The following RAB5A variants were observed in gnomAD, a reference collection of about 807,000 sequenced individuals.
RAB5A encodes the protein ras-related protein Rab-5A.
RAB5A carries 8 observed loss-of-function variants against 25.7 expected under a neutral mutation model. That is an observed-to-expected ratio of 0.31 (90% CI 0.18 to 0.56). RAB5A has a LOEUF of 0.56. Ranked by LOEUF, RAB5A falls within the 20% of genes least tolerant of loss-of-function variation. RAB5A has a pLI of 0.91. For synonymous variants in RAB5A, 98 were observed against 89.8 expected, an observed-to-expected ratio of 1.09 and a Z score of -0.52; for missense variants, 192 against 259.7, an observed-to-expected ratio of 0.74 and a Z score of 1.79.
At chr3:19,964,224 C>G (rs1368070415) in intron 2 of RAB5A, among the ~76,000 whole-genome samples, 1 of 152,042 alleles carries the variant, frequency 6.6e-6, no homozygotes, top group Non-Finnish European at 1.5e-5. Context: ...GATAAAATGT[C>G]TTTTGTAGAT....
At chr3:19,975,906 C>A (rs747286671) in intron 3 of RAB5A, 141 bp from the exon 4 acceptor site, 9 of 1,237,994 alleles carry the variant, frequency 7.3e-6, no homozygotes, top group Admixed American at 2.7e-5. Flanking sequence ...TAAAAAAAAA[C>A]GAAAATGTCT....
intron 2 of RAB5A, among the ~76,000 whole-genome samples, chr3:19,952,072 G>C (rs1207905062): frequency 6.6e-6 from 1 of 152,148 alleles, no homozygotes; most frequent in African/African-American, 2.4e-5. Flanking sequence ...ATTTTAGCTG[G>C]ACATGGTGGT....
In RAB5A at chr3:19,983,744, G is replaced by T. The variant is rs1696977853; in HGVS notation, c.569G>T (p.Gly190Val). The T allele has an allele frequency of 6.2e-7, 1 of 1,612,068 alleles. No homozygotes were observed. The highest frequency in any genetic ancestry group is 1.3e-5 in the African/African-American group (1 of 74,766). ...CCAAAGAATGAACCACAAAATCCAG[G>T]AGCAAATTCTGCCAGAGGAAGAGGA... is the stretch of plus-strand genomic sequence containing the variant. ...KLPKNEPQNP[G>V]ANSARGRGVD... Residue 190 changes from glycine to valine, a missense_variant, in exon 6 of 6, where the codon GGA (glycine) becomes GTA (valine). By Grantham distance (109) the Gly-to-Val change is moderately radical. Coordinates refer to ENST00000273047, the MANE Select transcript of RAB5A (RefSeq NM_004162.5).
Position 19,985,011 on chromosome 3 carries a change from A to G in RAB5A, c.*1188A>G. ...TGCACTAATTATTTTAGGTATTTTC[A>G]TTATATGAAAGCTACCATGTGTCAG... On this transcript the variant is annotated 3_prime_UTR_variant, in exon 6 of 6. Transcript: ENST00000273047. 5.2e-6 allele frequency: 1 copy of G among 191,834 alleles called. No individual in the cohort carries two copies. The highest frequency in any genetic ancestry group is 1.5e-4 in the East Asian group (1 of 6,736). 11.9% of individuals were successfully genotyped at this position (191,834 alleles called of 1,614,324 possible).
intron 2 of RAB5A, 101 bp from the exon 3 acceptor site, chr3:19,975,500 T>C: frequency 8.9e-7 from 1 of 1,127,794 alleles, no homozygotes; most frequent in Non-Finnish European, 1.3e-6. Flanking sequence ...ACTTACGGGG[T>C]ACAGTGTGAC....
rs569638531 is a variant in RAB5A, at chr3:19,978,745, AT to A, written c.532+350del. On this transcript the variant is annotated intron_variant, in intron 5 of 5. Transcript: ENST00000273047. ...GTTTCGCTGGGAAATTTGGATAAAT[AT>A]TTTTTTTATTAGATTATACTTTTTA... 5.2e-3 allele frequency: 869 copies of A among 166,452 alleles called. 6 individuals carry two copies. Among genetic ancestry groups the A allele is most frequent in the African/African-American group, 0.02 (838 of 41,954 alleles). The allele number at this position is 166,452 out of a possible 1,614,324, so 10.3% of individuals were successfully genotyped here. A position where few individuals can be genotyped will look rare whatever the true frequency, so the allele number is the denominator to read the frequency against.
At chr3:19,964,763 C>T (rs1022788741) in intron 2 of RAB5A, among the ~76,000 whole-genome samples, 10 of 152,168 alleles carry the variant, frequency 6.6e-5, no homozygotes, top group Admixed American at 6.5e-4. Flanking sequence ...AGGCGCATGT[C>T]ACCACGTCTG....
intron 2 of RAB5A, among the ~76,000 whole-genome samples, chr3:19,968,458 GTTACT>G (rs747965357): frequency 5.9e-5 from 9 of 152,026 alleles, no homozygotes; most frequent in Non-Finnish European, 8.8e-5. Flanking sequence ...TTCCCCACAA[GTTACT>G]TTACTTCTGA....
chr3:19,982,668 G>GT (rs1264726923), intron 5 of RAB5A, among the ~76,000 whole-genome samples: 1 of 151,558 alleles, frequency 6.6e-6, no homozygotes, highest in Non-Finnish European at 1.5e-5. Flanking sequence ...AGGCAACAAA[G>GT]TGAGACCCCA....
At chr3:19,980,445 A>ATTTTTTTTTTT (rs11441052) in intron 5 of RAB5A, among the ~76,000 whole-genome samples, 3 of 148,102 alleles carry the variant, frequency 2.0e-5, no homozygotes, top group Non-Finnish European at 1.5e-5. Flanking sequence ...AGGTTAGTAA[A>ATTTTTTTTTTT]TTTTTTTTTC....
At position 19,982,057 on chromosome 3, in the gene RAB5A, CAG is replaced by C. The variant is rs545023073; in HGVS notation, c.533-1648_533-1647del. On this transcript the variant is annotated intron_variant, in intron 5 of 5. Transcript: ENST00000273047. ...AGGAGTTCTAGACCAGCCTGGGCAA[CAG>C]AGCAAGACCCTATCTCTACCAAAAA... Among the ~76,000 whole-genome samples the C allele has an allele frequency of 1.8e-3, 266 of 151,460 alleles. 2 individuals are homozygous for C. Among genetic ancestry groups the C allele is most frequent in the Middle Eastern group, 6.8e-3 (2 of 292 alleles).
rs1696803318 is a variant in RAB5A, at chr3:19,975,061, A to G, written c.164-540A>G. On this transcript the variant is annotated intron_variant, in intron 2 of 5. Coordinates refer to ENST00000273047, the MANE Select transcript of RAB5A (RefSeq NM_004162.5). ...GCCAACATGGTGAAACCCCATCTCTACTAAAACTACAAAAATTAGCCACGT... is the reference window on the plus strand; with the variant it reads ...GCCAACATGGTGAAACCCCATCTCTGCTAAAACTACAAAAATTAGCCACGT... 2.0e-5 allele frequency among the ~76,000 whole-genome samples: 3 copies of G among 152,142 alleles called. No individual in the cohort carries two copies. The South Asian group carries it at 6.2e-4, about 32-fold the overall frequency.
intron 2 of RAB5A, among the ~76,000 whole-genome samples, chr3:19,969,055 T>TTG (rs1232717819): frequency 6.4e-5 from 9 of 140,524 alleles, no homozygotes; most frequent in Non-Finnish European, 1.2e-4. Flanking sequence ...GTTTTTTTTT[T>TTG]TTTTTTGAGA....
At chr3:19,973,054 C>T (rs1486669056) in intron 2 of RAB5A, among the ~76,000 whole-genome samples, 1 of 152,178 alleles carries the variant, frequency 6.6e-6, no homozygotes, top group Non-Finnish European at 1.5e-5. Flanking sequence ...GAGGTGCAGG[C>T]ATTGTATTAG....
chr3:19,972,374 A>G (rs1340260473), intron 2 of RAB5A, among the ~76,000 whole-genome samples: 2 of 152,250 alleles, frequency 1.3e-5, no homozygotes, highest in African/African-American at 4.8e-5. Context: ...CAAGGAGAAG[A>G]AAAAGATATA....
In RAB5A at chr3:19,978,368, C is replaced by T; in HGVS notation, c.497C>T (p.Thr166Ile). ...SLLFMETSAK[T>I]SMNVNEIFMA... ...TTATTCATGGAGACATCCGCTAAAACATCAATGAATGTAAATGAAATATTC... is the reference window on the plus strand; with the variant it reads ...TTATTCATGGAGACATCCGCTAAAATATCAATGAATGTAAATGAAATATTC... The change falls in exon 5 of 6, where the codon ACA becomes ATA. Residue 166 changes from threonine to isoleucine, a missense_variant. This residue lies in a region of RAB5A where 121 missense variants were observed against 135.7 expected (regional missense o/e 0.89). Coordinates refer to ENST00000273047, the MANE Select transcript of RAB5A (RefSeq NM_004162.5). The T allele has an allele frequency of 1.9e-6, 3 of 1,607,034 alleles. No individual in the cohort carries two copies. The highest frequency in any genetic ancestry group is 2.2e-5 in the East Asian group (1 of 44,724).
At chr3:19,977,073 CTT>C (rs752373114) in intron 4 of RAB5A, among the ~76,000 whole-genome samples, 17 of 141,634 alleles carry the variant, frequency 1.2e-4, no homozygotes, top group Non-Finnish European at 7.8e-5. Context: ...TCTATTTAGA[CTT>C]TTTTTTTTTT....
chr3:19,966,705 C>T (rs550292902), intron 2 of RAB5A, among the ~76,000 whole-genome samples: 1 of 152,326 alleles, frequency 6.6e-6, no homozygotes, highest in Non-Finnish European at 1.5e-5. Context: ...CATAGCCATT[C>T]TAGTGGCAGT....
chr3:19,955,100 C>T (rs1696480962), intron 2 of RAB5A, among the ~76,000 whole-genome samples: 2 of 152,130 alleles, frequency 1.3e-5, no homozygotes, highest in South Asian at 4.1e-4. Flanking sequence ...TCAAAAAATA[C>T]TTATTTTTAA....
Sources: allele counts gnomAD v4.1 joint callset (sites outside exome capture counted in the v4.1 genomes callset), GRCh38; gene constraint gnomAD v4.1.1; regional missense constraint gnomAD v4.1.1; transcripts MANE v1.5; gene names NCBI Gene and HGNC (gene_info 2026-07-23, HGNC 2026-07-21).